The following DZIP1L variants were observed in gnomAD, a reference collection of about 807,000 sequenced individuals.
The protein encoded by DZIP1L is DAZ interacting zinc finger protein 1 like, also known as cilium assembly protein DZIP1L.
In DZIP1L, 90 loss-of-function variants were observed where a neutral mutation model predicts 88.7. That is an observed-to-expected ratio of 1.02 (90% CI 0.86 to 1.21). The LOEUF (loss-of-function observed/expected upper bound fraction) is 1.21, where lower values mean the gene tolerates loss of function less well. Among genes scored for constraint, DZIP1L ranks in the 50% most tolerant of loss-of-function variants. The pLI is 0.00. For missense variants in DZIP1L, 932 were observed against 955.8 expected, an observed-to-expected ratio of 0.98 and a Z score of 0.33; for synonymous variants, 363 against 372.1, an observed-to-expected ratio of 0.98 and a Z score of 0.28.
chr3:138,086,576 C>T (rs1017967108), intron 7 of DZIP1L, among the ~76,000 whole-genome samples: 1 of 152,184 alleles, frequency 6.6e-6, no homozygotes, highest in Non-Finnish European at 1.5e-5. Context: ...AGGCCCACAG[C>T]CGCCTGGTTC....
intron 7 of DZIP1L, 119 bp from the exon 8 acceptor site, chr3:138,084,372 C>A (rs565091145): frequency 1.5e-6 from 2 of 1,334,254 alleles, no homozygotes; most frequent in African/African-American, 3.0e-5. Context: ...GATTTTGAGA[C>A]CTGGACAGGC....
At chr3:138,096,296 A>G (rs1377479433) in intron 3 of DZIP1L, among the ~76,000 whole-genome samples, 1 of 152,206 alleles carries the variant, frequency 6.6e-6, no homozygotes, top group Non-Finnish European at 1.5e-5. Flanking sequence ...AATAAGAGAT[A>G]TGCTCAAAGA....
chr3:138,068,672 G>A (rs939988115), intron 12 of DZIP1L, among the ~76,000 whole-genome samples: 1 of 152,136 alleles, frequency 6.6e-6, no homozygotes, highest in Non-Finnish European at 1.5e-5. Flanking sequence ...AGTAGTCCTA[G>A]ATGGACTTCA....
chr3:138,084,673 T>G (rs557997260), intron 7 of DZIP1L, among the ~76,000 whole-genome samples: 1 of 152,174 alleles, frequency 6.6e-6, no homozygotes, highest in South Asian at 2.1e-4. Context: ...AAGAAAGCCA[T>G]AAAAGTCACC....
At chr3:138,074,391 T>G (rs550086315) in intron 11 of DZIP1L, among the ~76,000 whole-genome samples, 17 of 152,264 alleles carry the variant, frequency 1.1e-4, no homozygotes, top group African/African-American at 4.1e-4. Context: ...TAGAAGGGAT[T>G]GGGGTCCTAT....
rs572201935 is a variant in DZIP1L, at chr3:138,088,374, C to T, written c.999+5G>A. 2 of 1,609,778 alleles carry T rather than the reference C, an allele frequency of 1.2e-6. No homozygotes were observed. Among genetic ancestry groups the T allele is most frequent in the African/African-American group, 2.7e-5 (2 of 74,962 alleles). On this transcript the variant is annotated splice_donor_5th_base_variant and intron_variant, in intron 6 of 15. Coordinates refer to ENST00000327532, the MANE Select transcript of DZIP1L (RefSeq NM_173543.3). ...TGGGAAGAAAGGCATGGAGCATCAG[C>T]TCACCTGAATTTCTGTCTTCTCTCT...
intron 11 of DZIP1L, among the ~76,000 whole-genome samples, chr3:138,076,626 T>C (rs1393378440): frequency 6.6e-6 from 1 of 152,150 alleles, no homozygotes; most frequent in Non-Finnish European, 1.5e-5. Context: ...TGGATGGAAT[T>C]GGAGACTATT....
chr3:138,107,011 T>C (rs2042515287), intron 1 of DZIP1L, among the ~76,000 whole-genome samples: 1 of 152,172 alleles, frequency 6.6e-6, no homozygotes, highest in Non-Finnish European at 1.5e-5. Flanking sequence ...TTGGAGAAGA[T>C]GCAAGGGGAA....
chr3:138,075,790 A>C (rs2724700), intron 11 of DZIP1L, among the ~76,000 whole-genome samples: 100,806 of 151,978 alleles, frequency 0.66, 33,742 homozygotes, highest in Non-Finnish European at 0.7. Flanking sequence ...CCATCCTGGC[A>C]AACATGGTGA....
At chr3:138,070,669 A>T (rs1943136918) in intron 12 of DZIP1L, among the ~76,000 whole-genome samples, 1 of 152,238 alleles carries the variant, frequency 6.6e-6, no homozygotes. Flanking sequence ...ATCATCTCTC[A>T]TATCCTCAGA....
intron 11 of DZIP1L, 150 bp downstream of exon 11, chr3:138,077,349 A>C: frequency 2.7e-6 from 3 of 1,117,934 alleles, no homozygotes; most frequent in Non-Finnish European, 3.9e-6. Context: ...TGAAGTGAGA[A>C]AGGCGTGCAG....
chr3:138,097,555 T>C (rs1245703350), intron 3 of DZIP1L, among the ~76,000 whole-genome samples: 1 of 152,182 alleles, frequency 6.6e-6, no homozygotes, highest in Non-Finnish European at 1.5e-5. Context: ...CCTGTCTGAC[T>C]CCCAGCCCTT....
intron 11 of DZIP1L, among the ~76,000 whole-genome samples, chr3:138,075,754 G>A (rs1252645933): frequency 2.0e-5 from 3 of 152,128 alleles, no homozygotes; most frequent in African/African-American, 2.4e-5. Context: ...TTGGGAGGCC[G>A]AGGTGGGTGG....
Position 138,103,484 on chromosome 3 carries a change from T to G in DZIP1L, c.488A>C (p.His163Pro). Residue 163 changes from histidine to proline, a missense_variant, in exon 2 of 16, where the codon CAC becomes CCC. Physicochemically the swap from His to Pro is moderately conservative, Grantham distance 77. Coordinates refer to ENST00000327532, the MANE Select transcript of DZIP1L (RefSeq NM_173543.3). The stretch of plus-strand genomic sequence containing the variant: ...GAGATTCCTCACCGTGTGGTAGCTG[T>G]GGGTGCCTGTCTGCATTAGCAGCTG... ...LQQLLMQTGTHSYHTCHLCDK... is the reference protein window; with the variant it reads ...LQQLLMQTGTPSYHTCHLCDK... 6.2e-7 allele frequency: 1 copy of G among 1,602,152 alleles called. No individual in the cohort carries two copies. The highest frequency in any genetic ancestry group is 8.5e-7 in the Non-Finnish European group (1 of 1,172,472).
At position 138,064,447 on chromosome 3, in the gene DZIP1L, A is replaced by G. The variant is rs754020124; in HGVS notation, c.2142+181T>C. 4 of 1,578,148 alleles carry G rather than the reference A, an allele frequency of 2.5e-6. No individual in the cohort carries two copies. In the African/African-American group the frequency reaches 4.1e-5, roughly 16 times the overall value. ...GCTTTTTAATGTTAACTTGGATACA[A>G]GTATTCCAAACTGGCCATCTCTCCA... On this transcript the variant is annotated intron_variant, in intron 15 of 15. Transcript: ENST00000327532.
chr3:138,067,750 C>G (rs755620567), intron 13 of DZIP1L, 50 bp from the exon 14 acceptor site: 1 of 1,502,558 alleles, frequency 6.7e-7, no homozygotes, highest in South Asian at 1.4e-5. Flanking sequence ...AGAAAGAAAA[C>G]TTCAAAAGCC....
intron 2 of DZIP1L, 61 bp downstream of exon 2, chr3:138,103,410 T>C: frequency 5.9e-6 from 9 of 1,523,372 alleles, no homozygotes; most frequent in Non-Finnish European, 8.0e-6. Context: ...GTGGCAACAG[T>C]TGCCCCAGTG....
At chr3:138,090,558 G>A (rs1408334997) in intron 5 of DZIP1L, among the ~76,000 whole-genome samples, 2 of 152,062 alleles carry the variant, frequency 1.3e-5, no homozygotes, top group Non-Finnish European at 2.9e-5. Flanking sequence ...TCATTTTAGG[G>A]AGCCCCCATC....
chr3:138,070,688 GGCCATACTCT>G (rs1447203083), intron 12 of DZIP1L, among the ~76,000 whole-genome samples: 2 of 152,144 alleles, frequency 1.3e-5, no homozygotes, highest in African/African-American at 2.4e-5. Context: ...GAGATACGTG[GGCCATACTCT>G]GCAAAATTTT....
Sources: gnomAD v4.1 joint callset for allele counts (sites outside exome capture counted in the v4.1 genomes callset) on GRCh38, gnomAD v4.1.1 for gene constraint, MANE v1.5 for transcripts, NCBI Gene and HGNC (gene_info 2026-07-23, HGNC 2026-07-21) for gene names.